The following NHSL2 variants were observed in gnomAD, a reference collection of about 807,000 sequenced individuals.
NHSL2 encodes the protein NHS like 2, also known as NHS-like protein 2.
In NHSL2, 27 loss-of-function variants were observed where a neutral mutation model predicts 53.4. The ratio of observed to expected loss-of-function variants is 0.51; its 90% confidence interval spans 0.37 to 0.70. The LOEUF (loss-of-function observed/expected upper bound fraction) is 0.70, where lower values mean the gene tolerates loss of function less well. Ranked by LOEUF, NHSL2 falls within the 30% of genes least tolerant of loss-of-function variation. The probability of loss-of-function intolerance (pLI) is 0.00; values close to 1 mark genes in which losing one functional copy is unlikely to be tolerated. For missense variants in NHSL2, 892 were observed against 980.1 expected, an observed-to-expected ratio of 0.91 and a Z score of 1.20; for synonymous variants, 408 against 404.1, an observed-to-expected ratio of 1.01 and a Z score of -0.12.
chrX:71,956,908 A>G (rs1476455061), intron 1 of NHSL2, among the ~76,000 whole-genome samples: 1 of 111,287 alleles, frequency 9.0e-6, no homozygotes, highest in Non-Finnish European at 1.9e-5. Context: ...TCCTGGTTTA[A>G]TCTGGGGACC....
At chrX:72,026,248 A>C (rs1395420556) in intron 1 of NHSL2, among the ~76,000 whole-genome samples, 1 of 112,093 alleles carries the variant, frequency 8.9e-6, no homozygotes, top group Non-Finnish European at 1.9e-5. Context: ...GGCGCTGCCC[A>C]GGCCTCATCC....
intron 1 of NHSL2, among the ~76,000 whole-genome samples, chrX:71,925,327 T>C (rs1341546549): frequency 9.0e-6 from 1 of 111,663 alleles, no homozygotes; most frequent in Non-Finnish European, 1.9e-5. Flanking sequence ...ATTTTATTCC[T>C]GTCTGTTTTC....
intron 1 of NHSL2, among the ~76,000 whole-genome samples, chrX:72,051,083 A>G (rs773965698): frequency 4.9e-4 from 55 of 111,773 alleles, no homozygotes; most frequent in Non-Finnish European, 9.6e-4. Flanking sequence ...CATAAGTGCT[A>G]TTATACTACA....
chrX:72,054,366 G>A (rs752734628), intron 1 of NHSL2, among the ~76,000 whole-genome samples: 3 of 111,161 alleles, frequency 2.7e-5, no homozygotes, highest in African/African-American at 6.5e-5. Flanking sequence ...CTCTTCCCTG[G>A]GCCACTTTAG....
chrX:72,140,896 C>G, intron 6 of NHSL2, 125 bp downstream of exon 6: 1 of 590,863 alleles, frequency 1.7e-6, no homozygotes, highest in Non-Finnish European at 2.6e-6. Context: ...TAGCGGGCAC[C>G]CTTTGAGGGT....
chrX:71,972,123 C>T (rs1036518239), intron 1 of NHSL2, among the ~76,000 whole-genome samples: 4 of 110,204 alleles, frequency 3.6e-5, no homozygotes, highest in Non-Finnish European at 7.6e-5. Context: ...CAACCTCCAC[C>T]TCCCAGGTTC....
At chrX:71,923,024 G>A (rs2041667499) in intron 1 of NHSL2, among the ~76,000 whole-genome samples, 1 of 112,386 alleles carries the variant, frequency 8.9e-6, no homozygotes, top group South Asian at 3.7e-4. Flanking sequence ...TATATTTTGT[G>A]TCTGTAGCTT....
rs930832925 is a variant in NHSL2 at position 72,129,943 on chromosome X, C to T, written c.281-2136C>T. 6 of 1,209,183 alleles carry T rather than the reference C, an allele frequency of 5.0e-6. No individual in the cohort carries two copies. The highest frequency in any genetic ancestry group is 3.5e-5 in the African/African-American group (2 of 56,945). On this transcript the variant is annotated intron_variant, in intron 1 of 7. Transcript: ENST00000633930. ...GCGTTGTCCTAAACGACCTGTGCGG[C>T]GAATCAGTTGGGGGGAGCTGTAGAA... is the stretch of plus-strand genomic sequence containing the variant.
intron 1 of NHSL2, among the ~76,000 whole-genome samples, chrX:72,071,911 C>T (rs1374443812): frequency 8.9e-6 from 1 of 112,367 alleles, no homozygotes; most frequent in Admixed American, 9.4e-5. Context: ...CTGAGCCCCT[C>T]TCTTATCCTA....
chrX:72,018,547 C>T (rs773653528), intron 1 of NHSL2, among the ~76,000 whole-genome samples: 1 of 113,003 alleles, frequency 8.8e-6, no homozygotes, highest in South Asian at 3.6e-4. Context: ...GGGGCCGGCC[C>T]CCGGGCTGCT....
intron 1 of NHSL2, among the ~76,000 whole-genome samples, chrX:71,937,791 A>C (rs1440562390): frequency 8.9e-6 from 1 of 112,019 alleles, no homozygotes; most frequent in East Asian, 2.8e-4. Flanking sequence ...CTAGTGGGTC[A>C]TGACAACAAA....
chrX:71,991,812 TTCTCTTTC>T (rs781506019), intron 1 of NHSL2, among the ~76,000 whole-genome samples: 479 of 42,397 alleles, frequency 0.011, 2 homozygotes, highest in African/African-American at 0.038. Flanking sequence ...CTGTGTGTCT[TTCTCTTTC>T]TCTCTCTCTC....
chrX:71,974,629 G>A (rs767419235), intron 1 of NHSL2, among the ~76,000 whole-genome samples: 1 of 111,877 alleles, frequency 8.9e-6, no homozygotes, highest in Non-Finnish European at 1.9e-5. Flanking sequence ...GCAAGAGCAC[G>A]CAAAATAGCC....
At chrX:71,955,779 G>C (rs1445195614) in intron 1 of NHSL2, among the ~76,000 whole-genome samples, 1 of 109,264 alleles carries the variant, frequency 9.2e-6, no homozygotes, top group Non-Finnish European at 1.9e-5. Flanking sequence ...GGAAGCTTTC[G>C]AATGACTTAA....
chrX:72,022,146 T>G (rs1436977086), intron 1 of NHSL2, among the ~76,000 whole-genome samples: 1 of 112,273 alleles, frequency 8.9e-6, no homozygotes, highest in East Asian at 2.8e-4. Flanking sequence ...AAAGCTGCCC[T>G]GAGCCCTTAG....
At chrX:72,090,908 T>C (rs1194001654) in intron 1 of NHSL2, among the ~76,000 whole-genome samples, 5 of 111,497 alleles carry the variant, frequency 4.5e-5, no homozygotes, top group Non-Finnish European at 9.4e-5. Context: ...CACCTGACAT[T>C]GTATCTTGGA....
At chrX:71,918,170 A>T (rs1239314388) in intron 1 of NHSL2, among the ~76,000 whole-genome samples, 1 of 111,334 alleles carries the variant, frequency 9.0e-6, no homozygotes, top group Non-Finnish European at 1.9e-5. Flanking sequence ...AGAAAGCAAG[A>T]GTCTACCTGC....
At chrX:72,080,702 T>C (rs147263341) in intron 1 of NHSL2, among the ~76,000 whole-genome samples, 56 of 110,641 alleles carry the variant, frequency 5.1e-4, no homozygotes, top group African/African-American at 1.7e-3. Flanking sequence ...ATCCATCTCA[T>C]TCAATCTTGG....
rs765063289 is a variant in NHSL2, at chrX:72,096,743, T to A, written c.281-35336T>A. On this transcript the variant is annotated intron_variant, in intron 1 of 7. Transcript: ENST00000633930. ...TTCTTTGTGTTGGGAACATTCAGTATCCTCCTTCTAGCTATTTGAAACTAT... is the reference window on the plus strand; with the variant it reads ...TTCTTTGTGTTGGGAACATTCAGTAACCTCCTTCTAGCTATTTGAAACTAT... 2.7e-5 allele frequency among the ~76,000 whole-genome samples: 3 copies of A among 111,865 alleles called. No homozygotes were observed. The South Asian group carries it at 1.1e-3, about 42-fold the overall frequency.
Sources: gnomAD v4.1 joint callset for allele counts (sites outside exome capture counted in the v4.1 genomes callset) on GRCh38, gnomAD v4.1.1 for gene constraint, MANE v1.5 for transcripts, NCBI Gene and HGNC (gene_info 2026-07-23, HGNC 2026-07-21) for gene names.